FMNL2: variants seen among roughly 807,000 people sequenced by gnomAD.
FMNL2 encodes formin like 2, also known as formin-like protein 2.
In FMNL2, 51 loss-of-function variants were observed where a neutral mutation model predicts 130.2. The ratio of observed to expected loss-of-function variants is 0.39; its 90% CI spans 0.31 to 0.49. FMNL2 has a LOEUF of 0.49. Among genes scored for constraint, FMNL2 ranks in the 20% least tolerant of loss-of-function variants. The probability of loss-of-function intolerance (pLI) is 0.85; values close to 1 mark genes in which losing one functional copy is unlikely to be tolerated. For missense variants in FMNL2, 977 were observed against 1,316.2 expected (o/e 0.74, Z 3.99); for synonymous variants, 465 against 467.1 (o/e 1.00, Z 0.06).
chr2:152,543,066 C>T (rs1315382148), intron 3 of FMNL2, among the ~76,000 whole-genome samples: 3 of 152,220 alleles, frequency 2.0e-5, no homozygotes, highest in African/African-American at 7.2e-5. Flanking sequence ...TGAGTCACTG[C>T]TATTTCCAAT....
chr2:152,460,434 TTAAAATTCA>T (rs1470027987), intron 1 of FMNL2, among the ~76,000 whole-genome samples: 1 of 152,216 alleles, frequency 6.6e-6, no homozygotes, highest in Non-Finnish European at 1.5e-5. Flanking sequence ...CAAAGCTCAG[TTAAAATTCA>T]CTACAGTGTA....
chr2:152,345,746 C>T (rs1682082567), intron 1 of FMNL2, among the ~76,000 whole-genome samples: 1 of 152,172 alleles, frequency 6.6e-6, no homozygotes, highest in Admixed American at 6.5e-5. Context: ...AGGGCCTTAC[C>T]ATAAAGTCAC....
In FMNL2 at chr2:152,444,036, G is replaced by C. The variant is rs549951393; in HGVS notation, c.118-77907G>C. Among the ~76,000 whole-genome samples the C allele has an allele frequency of 2.6e-5, 4 of 152,296 alleles. No individual in the cohort carries two copies. In the East Asian group the frequency reaches 5.8e-4, roughly 22 times the overall value. On this transcript the variant is annotated intron_variant, in intron 1 of 25. Transcript: ENST00000288670. ...AGACACTGAGGGTTCAACCATGACTGAGATTTTCTTCCAGTGGCTTGGAAG... is the reference window on the plus strand; with the variant it reads ...AGACACTGAGGGTTCAACCATGACTCAGATTTTCTTCCAGTGGCTTGGAAG...
chr2:152,386,878 T>TTTTG (rs1324012768), intron 1 of FMNL2, among the ~76,000 whole-genome samples: 1 of 152,160 alleles, frequency 6.6e-6, no homozygotes, highest in Non-Finnish European at 1.5e-5. Context: ...TTAATTTATC[T>TTTTG]CAACAAAGGT....
chr2:152,465,561 C>T (rs758631200), intron 1 of FMNL2, among the ~76,000 whole-genome samples: 11 of 152,158 alleles, frequency 7.2e-5, no homozygotes, highest in Non-Finnish European at 1.3e-4. Flanking sequence ...ATTGCTTTTG[C>T]TTCTGTTTCT....
At chr2:152,574,707 C>G (rs1465169537) in intron 6 of FMNL2, among the ~76,000 whole-genome samples, 1 of 152,132 alleles carries the variant, frequency 6.6e-6, no homozygotes, top group Non-Finnish European at 1.5e-5. Context: ...GAAGCTATTG[C>G]TATCAACTAA....
chr2:152,459,460 G>C (rs1259244132), intron 1 of FMNL2, among the ~76,000 whole-genome samples: 1 of 152,102 alleles, frequency 6.6e-6, no homozygotes, highest in Non-Finnish European at 1.5e-5. Flanking sequence ...AATTGATTTT[G>C]CCTTTTTACG....
intron 1 of FMNL2, among the ~76,000 whole-genome samples, chr2:152,412,000 C>T (rs13396439): frequency 0.13 from 20,187 of 152,052 alleles, 1,555 homozygotes; most frequent in East Asian, 0.19. Flanking sequence ...TAAAAGCATC[C>T]CAAGTGTCAT....
intron 1 of FMNL2, among the ~76,000 whole-genome samples, chr2:152,482,263 A>G (rs1194352753): frequency 6.6e-6 from 1 of 152,196 alleles, no homozygotes; most frequent in Admixed American, 6.5e-5. Flanking sequence ...TTTTTCTACC[A>G]CATGAATCTT....
intron 3 of FMNL2, among the ~76,000 whole-genome samples, chr2:152,545,272 G>T (rs924635727): frequency 6.6e-6 from 1 of 152,160 alleles, no homozygotes; most frequent in African/African-American, 2.4e-5. Flanking sequence ...TATGGTGGGG[G>T]AGAAAAAGAT....
At chr2:152,483,509 T>C (rs1280210194) in intron 1 of FMNL2, among the ~76,000 whole-genome samples, 1 of 152,234 alleles carries the variant, frequency 6.6e-6, no homozygotes, top group Non-Finnish European at 1.5e-5. Flanking sequence ...GTAGACTTTC[T>C]AGACCTGGCG....
intron 1 of FMNL2, among the ~76,000 whole-genome samples, chr2:152,458,746 G>C (rs929453363): frequency 6.6e-6 from 1 of 152,160 alleles, no homozygotes; most frequent in East Asian, 1.9e-4. Context: ...GTGGCCCCAC[G>C]TGATGCTGTG....
rs79656919 is a variant in FMNL2, at chr2:152,470,782, G to A, written c.118-51161G>A. On this transcript the variant is annotated intron_variant, in intron 1 of 25. Transcript: ENST00000288670. ...ATGCAGTTCCAGGAAGGAGTGAATC[G>A]TATGTTCTGGTTATTACATGAATGA... Among the ~76,000 whole-genome samples the A allele has an allele frequency of 5.6e-3, 858 of 152,294 alleles. 9 individuals are homozygous for A. Among genetic ancestry groups the A allele is most frequent in the African/African-American group, 0.02 (813 of 41,560 alleles).
Position 152,629,918 on chromosome 2 carries a change from A to C in FMNL2, c.2550+13A>C. ...GAGTTTAGATCTGGTGAGTGGACTA[A>C]AAGAAATTTGAGAGCTGTTTGAAGG... On this transcript the variant is annotated intron_variant, in intron 20 of 25. Transcript: ENST00000288670. The C allele has an allele frequency of 4.4e-6, 7 of 1,595,224 alleles. No homozygotes were observed. Among genetic ancestry groups the C allele is most frequent in the Non-Finnish European group, 6.0e-6 (7 of 1,170,188 alleles).
chr2:152,613,086 T>A (rs1041802887), intron 11 of FMNL2, among the ~76,000 whole-genome samples: 9 of 152,254 alleles, frequency 5.9e-5, no homozygotes, highest in Admixed American at 5.2e-4. Flanking sequence ...GGCCTACTGT[T>A]GTCTAAAGAC....
At chr2:152,563,272 A>G (rs1191949793) in intron 6 of FMNL2, among the ~76,000 whole-genome samples, 2 of 152,210 alleles carry the variant, frequency 1.3e-5, no homozygotes, top group South Asian at 2.1e-4. Context: ...ATGACCAGCT[A>G]AGAAACCAAT....
chr2:152,556,714 G>A (rs1462745062), intron 4 of FMNL2, among the ~76,000 whole-genome samples: 1 of 152,140 alleles, frequency 6.6e-6, no homozygotes, highest in African/African-American at 2.4e-5. Context: ...GTTGACACAA[G>A]GGCAGGCACT....
chr2:152,626,776 T>C (rs754859247), intron 17 of FMNL2, 49 bp downstream of exon 17: 63 of 1,514,220 alleles, frequency 4.2e-5, no homozygotes, highest in Non-Finnish European at 1.2e-5. Flanking sequence ...AAAATGAAAA[T>C]GAGAAAGTTA....
chr2:152,431,775 G>A (rs139616166), intron 1 of FMNL2, among the ~76,000 whole-genome samples: 77 of 151,894 alleles, frequency 5.1e-4, no homozygotes, highest in African/African-American at 1.7e-3. Context: ...AGACCAGCCC[G>A]GGCAACATAG....
Sources: gnomAD v4.1 joint callset for allele counts (sites outside exome capture counted in the v4.1 genomes callset) on GRCh38, gnomAD v4.1.1 for gene constraint, MANE v1.5 for transcripts, NCBI Gene and HGNC (gene_info 2026-07-23, HGNC 2026-07-21) for gene names.